L3MBTL4: variants seen among roughly 807,000 people sequenced by gnomAD.
L3MBTL4 encodes the protein L3MBTL histone methyl-lysine binding protein 4.
L3MBTL4 carries 70 observed loss-of-function variants against 84.5 expected under a neutral mutation model. The ratio of observed to expected loss-of-function variants is 0.83; its 90% CI spans 0.68 to 1.01. The LOEUF (loss-of-function observed/expected upper bound fraction) is 1.01. L3MBTL4 is among the 50% of genes least tolerant of loss of function. The pLI is 0.00. For synonymous variants in L3MBTL4, 274 were observed against 259.8 expected, an observed-to-expected ratio of 1.05 and a Z score of -0.52; for missense variants, 715 against 754.8, an observed-to-expected ratio of 0.95 and a Z score of 0.62.
chr18:6,099,879 C>T (rs977800402), intron 14 of L3MBTL4, among the ~76,000 whole-genome samples: 4 of 151,862 alleles, frequency 2.6e-5, no homozygotes, highest in Non-Finnish European at 4.4e-5. Context: ...ATCTATGACT[C>T]AATGAGTTCA....
chr18:6,409,573 A>G (rs576031562), intron 1 of L3MBTL4, among the ~76,000 whole-genome samples: 1 of 152,244 alleles, frequency 6.6e-6, no homozygotes, highest in Admixed American at 6.5e-5. Flanking sequence ...ACACTCTAAG[A>G]CTGTATGTGT....
At chr18:6,257,362 C>G (rs896947915) in intron 5 of L3MBTL4, among the ~76,000 whole-genome samples, 1 of 151,876 alleles carries the variant, frequency 6.6e-6, no homozygotes, top group South Asian at 2.1e-4. Context: ...TACACCCACA[C>G]GTAACCACAC....
rs1490731969 is a variant in L3MBTL4 at position 6,252,424 on chromosome 18, C to A, written c.220-7836G>T. On this transcript the variant is annotated intron_variant, in intron 5 of 18. Coordinates refer to ENST00000317931, the MANE Select transcript of L3MBTL4 (RefSeq NM_001330559.2). ...CATATGGTGTGTTTTCATTTTTTAT[C>A]AAAAAAAACACAGCTATTTACATAA... 3.3e-5 allele frequency among the ~76,000 whole-genome samples: 5 copies of A among 151,504 alleles called. No individual in the cohort carries two copies. The East Asian group carries it at 7.8e-4, about 24-fold the overall frequency.
chr18:6,403,588 T>C (rs892314889), intron 1 of L3MBTL4, among the ~76,000 whole-genome samples: 3 of 152,232 alleles, frequency 2.0e-5, no homozygotes, highest in Admixed American at 6.5e-5. Flanking sequence ...TATTTTTCCA[T>C]TGTATTATTT....
chr18:6,333,591 C>A (rs1246141717), intron 1 of L3MBTL4, among the ~76,000 whole-genome samples: 4 of 147,866 alleles, frequency 2.7e-5, no homozygotes, highest in Non-Finnish European at 3.0e-5. Flanking sequence ...AAAAAAAAAA[C>A]CTAATTGTTT....
At position 5,980,378 on chromosome 18, in the gene L3MBTL4, A is replaced by G. The variant is rs1472835696; in HGVS notation, c.1445-10816T>C. On this transcript the variant is annotated intron_variant, in intron 16 of 18. Transcript: ENST00000317931. ...CATCCCCGTCTCAGGTGTACACCAT[A>G]TTGTATACTTTTGATTCTTTTGTTG... Among the ~76,000 whole-genome samples the G allele has an allele frequency of 4.1e-5, 6 of 147,720 alleles. No homozygotes were observed. The East Asian group carries it at 1.2e-3, about 31-fold the overall frequency.
rs1598736734 is a variant in L3MBTL4 at position 6,096,714 on chromosome 18, G to A, written c.1200-3186C>T. The stretch of plus-strand genomic sequence containing the variant: ...GGCTAGGTATGATAAAACCACTTTT[G>A]AAAGCTTTGGATTTAGCCAAATATT... On this transcript the variant is annotated intron_variant, in intron 14 of 18. Coordinates refer to ENST00000317931, the MANE Select transcript of L3MBTL4 (RefSeq NM_001330559.2). Among the ~76,000 whole-genome samples, 5 of 152,312 alleles carry A rather than the reference G, an allele frequency of 3.3e-5. No homozygotes were observed. In the East Asian group the frequency reaches 5.8e-4, roughly 18 times the overall value.
At position 6,056,061 on chromosome 18, in the gene L3MBTL4, T is replaced by G. The variant is rs1245364316; in HGVS notation, c.1444+24820A>C. 3.3e-5 allele frequency among the ~76,000 whole-genome samples: 5 copies of G among 152,210 alleles called. No individual in the cohort carries two copies. In the East Asian group the frequency reaches 9.7e-4, roughly 29 times the overall value. The stretch of plus-strand genomic sequence containing the variant: ...GAGTGGTAGTTTCCTCTACTTTGTT[T>G]TAAAGCATGGATTTGGGTTGATATG... On this transcript the variant is annotated intron_variant, in intron 16 of 18. Coordinates refer to ENST00000317931, the MANE Select transcript of L3MBTL4 (RefSeq NM_001330559.2).
At chr18:6,161,740 G>A (rs936650999) in intron 13 of L3MBTL4, among the ~76,000 whole-genome samples, 13 of 152,156 alleles carry the variant, frequency 8.5e-5, no homozygotes, top group Middle Eastern at 3.4e-3. Context: ...ACACTGCCCC[G>A]AGGTTCCTTC....
In L3MBTL4 at chr18:6,309,315, G is replaced by T. The variant is rs373334381; in HGVS notation, c.72+2239C>A. Among the ~76,000 whole-genome samples the T allele has an allele frequency of 1.2e-4, 18 of 152,188 alleles. No individual in the cohort carries two copies. In the East Asian group the frequency reaches 3.3e-3, roughly 28 times the overall value. ...ACTGTTAAATCTGACTAATGAAAAT[G>T]AACATTGTTACTGGCAATGAGCCCC... On this transcript the variant is annotated intron_variant, in intron 3 of 18. Coordinates refer to ENST00000317931, the MANE Select transcript of L3MBTL4 (RefSeq NM_001330559.2).
intron 14 of L3MBTL4, among the ~76,000 whole-genome samples, chr18:6,125,597 G>T (rs1057485106): frequency 2.0e-5 from 3 of 151,876 alleles, no homozygotes; most frequent in African/African-American, 7.3e-5. Flanking sequence ...CCCCACTAAT[G>T]TCATGTATTT....
intron 12 of L3MBTL4, among the ~76,000 whole-genome samples, chr18:6,206,467 G>A (rs954724850): frequency 3.9e-5 from 6 of 152,108 alleles, no homozygotes; most frequent in Non-Finnish European, 5.9e-5. Context: ...ACTAGATCTC[G>A]CAGGTCAGGC....
chr18:6,054,854 C>A (rs1419281524), intron 16 of L3MBTL4, among the ~76,000 whole-genome samples: 3 of 152,212 alleles, frequency 2.0e-5, no homozygotes, highest in Non-Finnish European at 4.4e-5. Context: ...CCCTGCATGG[C>A]CAGGGAGGTG....
intron 1 of L3MBTL4, among the ~76,000 whole-genome samples, chr18:6,351,330 G>A (rs933353561): frequency 6.6e-6 from 1 of 152,068 alleles, no homozygotes; most frequent in Non-Finnish European, 1.5e-5. Context: ...CATAAAGACG[G>A]AAAGTAGAAT....
At chr18:6,031,817 T>A in intron 16 of L3MBTL4, 8 of 984,780 alleles carry the variant, frequency 8.1e-6, no homozygotes, top group Non-Finnish European at 9.6e-6. Context: ...CATGGTTTTT[T>A]TTTTTTTTTA....
At chr18:6,046,799 T>C (rs751208140) in intron 16 of L3MBTL4, 4 of 756,586 alleles carry the variant, frequency 5.3e-6, no homozygotes, top group Middle Eastern at 2.3e-4. Flanking sequence ...CCTCAAAAAG[T>C]TAGCAAGATC....
chr18:6,039,359 C>A (rs1231442014), intron 16 of L3MBTL4, among the ~76,000 whole-genome samples: 1 of 152,122 alleles, frequency 6.6e-6, no homozygotes, highest in South Asian at 2.1e-4. Context: ...CGCTGCTCCA[C>A]CCACATTTTA....
At chr18:6,125,532 G>A (rs1446447874) in intron 14 of L3MBTL4, among the ~76,000 whole-genome samples, 5 of 152,040 alleles carry the variant, frequency 3.3e-5, no homozygotes, top group Non-Finnish European at 7.4e-5. Context: ...GGGCTCAGGC[G>A]ATCCTCCCAC....
Position 6,268,234 on chromosome 18 carries a change from C to T in L3MBTL4, c.128-4196G>A, listed in dbSNP as rs183972751. Among the ~76,000 whole-genome samples, 45 of 152,110 alleles carry T rather than the reference C, an allele frequency of 3.0e-4. 1 individual carries two copies. The highest frequency in any genetic ancestry group is 6.8e-4 in the African/African-American group (28 of 41,480). On this transcript the variant is annotated intron_variant, in intron 4 of 18. Coordinates refer to ENST00000317931, the MANE Select transcript of L3MBTL4 (RefSeq NM_001330559.2). The stretch of plus-strand genomic sequence containing the variant: ...CAGCCTGGCCAACACGGTGAAACCC[C>T]GCTTCTACTAAAAATACCAAAAATT...
Sources: gnomAD v4.1 joint callset for allele counts (sites outside exome capture counted in the v4.1 genomes callset) on GRCh38, gnomAD v4.1.1 for gene constraint, MANE v1.5 for transcripts, NCBI Gene and HGNC (gene_info 2026-07-23, HGNC 2026-07-21) for gene names.